NT5E: variants seen among roughly 807,000 people sequenced by gnomAD.
NT5E encodes 5'-nucleotidase.
NT5E carries 53 observed loss-of-function variants against 55.1 expected under a neutral mutation model. That is an observed-to-expected ratio of 0.96 (90% confidence interval 0.77 to 1.21). NT5E has a LOEUF of 1.21. Ranked by LOEUF, NT5E falls within the 50% of genes most tolerant of loss-of-function variation. The pLI, the probability that NT5E is intolerant of heterozygous loss-of-function variation, is 0.00. For missense variants in NT5E, 683 were observed against 724.3 expected (o/e 0.94, Z 0.65); for synonymous variants, 270 against 278.4 (o/e 0.97, Z 0.30).
intron 1 of NT5E, among the ~76,000 whole-genome samples, chr6:85,461,342 A>T (rs1769095273): frequency 6.6e-6 from 1 of 152,228 alleles, no homozygotes; most frequent in South Asian, 2.1e-4. Flanking sequence ...TCTGGCCTGG[A>T]GTACCAAAAT....
chr6:85,481,130 T>C (rs925705321), intron 3 of NT5E, among the ~76,000 whole-genome samples: 2 of 152,216 alleles, frequency 1.3e-5, no homozygotes, highest in Admixed American at 6.5e-5. Flanking sequence ...AAGTTGTCAT[T>C]CAACAAACAT....
rs772606838 is a variant in NT5E, at chr6:85,450,766, G to C, written c.339+288G>C. 6.6e-6 allele frequency among the ~76,000 whole-genome samples: 1 copy of C among 152,236 alleles called. No individual in the cohort carries two copies. Among genetic ancestry groups the C allele is most frequent in the Non-Finnish European group, 1.5e-5 (1 of 68,046 alleles). ...GGTGGGGTGCGTAGAAGCACTGACA[G>C]TTATCCAGAGCTAGGGACTGAATCG... is the stretch of plus-strand genomic sequence containing the variant. On this transcript the variant is annotated intron_variant, in intron 1 of 8. Transcript: ENST00000257770. This position sits in a 1 kb window ranked among gnomAD's most constrained non-coding sequence, Gnocchi z 4.0.
chr6:85,483,526 T>C (rs988212660), intron 3 of NT5E, among the ~76,000 whole-genome samples: 1 of 152,254 alleles, frequency 6.6e-6, no homozygotes, highest in Non-Finnish European at 1.5e-5. Flanking sequence ...AGGCTTTCAC[T>C]GGATCTCAAG....
intron 8 of NT5E, 86 bp downstream of exon 8, chr6:85,492,263 G>A: frequency 1.6e-6 from 2 of 1,217,784 alleles, no homozygotes; most frequent in Non-Finnish European, 1.2e-6. Flanking sequence ...GGAGGGCAAA[G>A]TGACTCCCTG....
At chr6:85,467,402 T>C (rs1769218608) in intron 2 of NT5E, 120 bp downstream of exon 2, 2 of 798,546 alleles carry the variant, frequency 2.5e-6, no homozygotes, top group Non-Finnish European at 4.2e-6. Context: ...TGCACTAGAA[T>C]AACACTGATA....
At chr6:85,474,219 T>C (rs1288313381) in intron 3 of NT5E, among the ~76,000 whole-genome samples, 1 of 152,238 alleles carries the variant, frequency 6.6e-6, no homozygotes, top group African/African-American at 2.4e-5. Context: ...TAATACTTGA[T>C]ACAATGTAAA....
intron 2 of NT5E, among the ~76,000 whole-genome samples, chr6:85,468,707 G>T (rs1438275590): frequency 6.6e-6 from 1 of 152,162 alleles, no homozygotes; most frequent in East Asian, 1.9e-4. Flanking sequence ...AGATTGTAGG[G>T]CTGAGAAGTT....
chr6:85,488,584 AT>A, intron 5 of NT5E, among the ~76,000 whole-genome samples: 1 of 151,952 alleles, frequency 6.6e-6, no homozygotes, highest in African/African-American at 2.4e-5. Context: ...TAATTAATTA[AT>A]TTATTTATTT....
chr6:85,458,165 A>C (rs752191949), intron 1 of NT5E, among the ~76,000 whole-genome samples: 1 of 152,248 alleles, frequency 6.6e-6, no homozygotes, highest in Non-Finnish European at 1.5e-5. Context: ...TGAGGAAAGA[A>C]AAATTAGCAA....
chr6:85,471,196 A>G (rs753665206), intron 2 of NT5E, 41 bp from the exon 3 acceptor site: 373 of 1,359,636 alleles, frequency 2.7e-4, no homozygotes, highest in Non-Finnish European at 3.5e-4. Flanking sequence ...ATATAATAAA[A>G]ATTGTTAATA....
Position 85,487,340 on chromosome 6 carries a change from A to G in NT5E, c.955A>G (p.Ser319Gly), listed in dbSNP as rs1769688646. ...LLNSSIPEDP[S>G]IKADINKWRI... ...CCTTCTTTTCTTTCTTCTAGATCCA[A>G]GCATAAAAGCAGACATTAACAAATG... is the stretch of plus-strand genomic sequence containing the variant. Residue 319 changes from serine to glycine, a missense_variant, in exon 5 of 9, where the codon AGC becomes GGC. Transcript: ENST00000257770. 1.9e-6 allele frequency: 3 copies of G among 1,613,248 alleles called. No homozygotes were observed. Among genetic ancestry groups the G allele is most frequent in the Non-Finnish European group, 2.5e-6 (3 of 1,179,304 alleles).
intron 4 of NT5E, among the ~76,000 whole-genome samples, chr6:85,486,242 G>C (rs1421869309): frequency 6.6e-6 from 1 of 152,206 alleles, no homozygotes; most frequent in Non-Finnish European, 1.5e-5. Context: ...GTGTGCGTCA[G>C]TAATTTCTAA....
In NT5E at chr6:85,467,177, C is replaced by T; in HGVS notation, c.457C>T (p.Gln153Ter). The change falls in exon 2 of 9, where the codon CAA becomes TAA. Residue 153 changes from glutamine to a stop codon, truncating the protein, a stop_gained. Coordinates refer to ENST00000257770, the MANE Select transcript of NT5E (RefSeq NM_002526.4). LOFTEE classifies it high-confidence loss of function. Reference protein sequence around the residue: ...NIKAKGPLASQISGLYLPYKV... With the variant: ...NIKAKGPLAS ...TAAAGCAAAGGGGCCACTAGCATCT[C>T]AAATATCAGGACTTTATTTGCCATA... 6.2e-7 allele frequency: 1 copy of T among 1,614,148 alleles called. No individual in the cohort carries two copies.
At chr6:85,493,221 T>A (rs1282152239) in intron 8 of NT5E, among the ~76,000 whole-genome samples, 3 of 152,156 alleles carry the variant, frequency 2.0e-5, no homozygotes, top group African/African-American at 7.2e-5. Flanking sequence ...AGATTCTAAG[T>A]TAACTGGATT....
chr6:85,489,637 C>A (rs1432611657), intron 6 of NT5E, 38 bp downstream of exon 6: 3 of 1,417,094 alleles, frequency 2.1e-6, no homozygotes, highest in East Asian at 2.3e-5. Flanking sequence ...GTGTCATGTT[C>A]TCTCTCTGAT....
intron 1 of NT5E, among the ~76,000 whole-genome samples, chr6:85,451,966 A>G (rs1481862757): frequency 6.6e-6 from 1 of 152,212 alleles, no homozygotes; most frequent in Non-Finnish European, 1.5e-5. Context: ...TATCAGGGAC[A>G]CCCTGCAGCA....
At chr6:85,473,415 G>A (rs1240923517) in intron 3 of NT5E, among the ~76,000 whole-genome samples, 2 of 152,162 alleles carry the variant, frequency 1.3e-5, no homozygotes, top group Non-Finnish European at 2.9e-5. Flanking sequence ...CACTGGATAA[G>A]ACCTGTGAAA....
intron 8 of NT5E, among the ~76,000 whole-genome samples, 179 bp downstream of exon 8, chr6:85,492,356 G>A (rs961423161): frequency 1.3e-5 from 2 of 152,092 alleles, no homozygotes; most frequent in Non-Finnish European, 2.9e-5. Flanking sequence ...GTCAATCCCC[G>A]AGCACACACA....
chr6:85,482,423 G>GA (rs913282233), intron 3 of NT5E, among the ~76,000 whole-genome samples: 4 of 150,586 alleles, frequency 2.7e-5, no homozygotes, highest in South Asian at 4.2e-4. Context: ...GTGGAAGAAA[G>GA]AAAAAAAAAG....
Sources: allele counts gnomAD v4.1 joint callset (sites outside exome capture counted in the v4.1 genomes callset), GRCh38; gene constraint gnomAD v4.1.1; non-coding constraint Gnocchi (gnomAD v3.1); transcripts MANE v1.5; gene names NCBI Gene and HGNC (gene_info 2026-07-23, HGNC 2026-07-21).